Variants in GLIS1 observed in about 807,000 individuals in gnomAD.
GLIS1 encodes the protein zinc finger protein GLIS1.
A neutral mutation model predicts 63.8 loss-of-function variants in GLIS1; 24 were observed. The ratio of observed to expected loss-of-function variants is 0.38; its 90% CI spans 0.27 to 0.53. GLIS1 has a LOEUF of 0.53. Among genes scored for constraint, GLIS1 ranks in the 20% least tolerant of loss-of-function variants. The pLI is 0.85. For synonymous variants in GLIS1, 450 were observed against 482.5 expected (o/e 0.93, Z 0.88); for missense variants, 1,036 against 1,074.1 (o/e 0.96, Z 0.50).
chr1:53,535,695 C>T (rs991648028), intron 4 of GLIS1, among the ~76,000 whole-genome samples: 6 of 152,092 alleles, frequency 3.9e-5, no homozygotes, highest in African/African-American at 1.5e-4. Flanking sequence ...CTAATCCACA[C>T]CCCAGCATCA....
At chr1:53,649,990 G>A (rs1160035443) in intron 2 of GLIS1, among the ~76,000 whole-genome samples, 3 of 152,204 alleles carry the variant, frequency 2.0e-5, no homozygotes, top group African/African-American at 7.2e-5. Flanking sequence ...AGGGTCAACT[G>A]TGTAAGATTT....
rs904124519 is a variant in GLIS1, at chr1:53,560,520, C to T, written c.1321-30568G>A. Reference sequence around the variant, plus strand: ...CCCTGGTGCCCACCAGTTAACCCTTCGTACCTTCCAGGGAGAGTGGAGGCT... The same window carrying T: ...CCCTGGTGCCCACCAGTTAACCCTTTGTACCTTCCAGGGAGAGTGGAGGCT... On this transcript the variant is annotated intron_variant, in intron 4 of 10. Transcript: ENST00000628545. This position sits in a 1 kb window ranked among gnomAD's most constrained non-coding sequence, Gnocchi z 4.4. Among the ~76,000 whole-genome samples, 5 of 152,224 alleles carry T rather than the reference C, an allele frequency of 3.3e-5. No homozygotes were observed. The highest frequency in any genetic ancestry group is 7.3e-5 in the Non-Finnish European group (5 of 68,028).
At chr1:53,591,060 T>C (rs1645189004) in intron 4 of GLIS1, among the ~76,000 whole-genome samples, 1 of 152,248 alleles carries the variant, frequency 6.6e-6, no homozygotes, top group Non-Finnish European at 1.5e-5. Context: ...GATTAACTGC[T>C]ATTTTAGTGG....
intron 4 of GLIS1, among the ~76,000 whole-genome samples, chr1:53,532,368 C>CA (rs1644540205): frequency 6.6e-6 from 1 of 152,172 alleles, no homozygotes; most frequent in African/African-American, 2.4e-5. Context: ...ACACGAGAGA[C>CA]AATGATGGTT....
intron 2 of GLIS1, chr1:53,733,901 T>C: frequency 1.0e-6 from 1 of 985,054 alleles, no homozygotes; most frequent in Non-Finnish European, 1.2e-6. Context: ...AAGTCACTCA[T>C]ACCTTTCTAT....
chr1:53,635,407 T>A (rs973440883), intron 2 of GLIS1, among the ~76,000 whole-genome samples: 2 of 152,116 alleles, frequency 1.3e-5, no homozygotes, highest in South Asian at 4.1e-4. Context: ...TTGAAATAAT[T>A]AATAATGAAA....
At chr1:53,667,851 T>G (rs922080405) in intron 2 of GLIS1, among the ~76,000 whole-genome samples, 1 of 152,216 alleles carries the variant, frequency 6.6e-6, no homozygotes. Context: ...AGGCCCCATC[T>G]CTTAATACTA....
In GLIS1 at chr1:53,538,195, C is replaced by T. The variant is rs192925254; in HGVS notation, c.1321-8243G>A. Reference sequence around the variant, plus strand: ...TTGAGGCAAGAATGGAACGGACAGACGGGAGGAGGGTCCTGGGGGTGAGGC... The same window carrying T: ...TTGAGGCAAGAATGGAACGGACAGATGGGAGGAGGGTCCTGGGGGTGAGGC... On this transcript the variant is annotated intron_variant, in intron 4 of 10. Coordinates refer to ENST00000628545, the MANE Select transcript of GLIS1 (RefSeq NM_001367484.1). Among the ~76,000 whole-genome samples the T allele has an allele frequency of 2.1e-3, 315 of 152,192 alleles. 1 individual carries two copies. The highest frequency in any genetic ancestry group is 2.9e-3 in the Non-Finnish European group (198 of 68,008).
chr1:53,599,681 G>A (rs919467012), intron 3 of GLIS1, among the ~76,000 whole-genome samples: 10 of 152,254 alleles, frequency 6.6e-5, no homozygotes, highest in African/African-American at 2.4e-4. Flanking sequence ...TGCAAGCACT[G>A]AGTGGACAGC....
chr1:53,605,517 G>A (rs1188138822), intron 2 of GLIS1, among the ~76,000 whole-genome samples: 7 of 152,320 alleles, frequency 4.6e-5, no homozygotes, highest in South Asian at 2.1e-4. Context: ...CATCCAGCAC[G>A]TGCCAAATCC....
At position 53,590,128 on chromosome 1, in the gene GLIS1, GTGTGATGGGGAAGCA is replaced by G. The variant is rs1557466800; in HGVS notation, c.1320+3965_1320+3979del. ...CACATCACCTGAGATCAATGCTGGAGTGTGATGGGGAAGCAAGCACCCTCCCTTACATCATCTCTT... is the reference window on the plus strand; with the variant it reads ...CACATCACCTGAGATCAATGCTGGAGAGCACCCTCCCTTACATCATCTCTT... On this transcript the variant is annotated intron_variant, in intron 4 of 10. Transcript: ENST00000628545. 2.0e-5 allele frequency among the ~76,000 whole-genome samples: 3 copies of G among 152,216 alleles called. No homozygotes were observed. The East Asian group carries it at 5.8e-4, about 29-fold the overall frequency.
intron 2 of GLIS1, among the ~76,000 whole-genome samples, chr1:53,656,371 G>A (rs566119859): frequency 7.9e-5 from 12 of 152,294 alleles, no homozygotes; most frequent in East Asian, 7.7e-4. Context: ...CAGATCAGCC[G>A]GGGAGGCTGC....
At chr1:53,570,662 T>C (rs1488484408) in intron 4 of GLIS1, among the ~76,000 whole-genome samples, 1 of 151,818 alleles carries the variant, frequency 6.6e-6, no homozygotes, top group African/African-American at 2.4e-5. Context: ...ATATACAGAG[T>C]CTCTGATATA....
chr1:53,619,207 A>G (rs1399483732), intron 2 of GLIS1, among the ~76,000 whole-genome samples: 1 of 152,134 alleles, frequency 6.6e-6, no homozygotes, highest in African/African-American at 2.4e-5. Context: ...GGCCAAAGAG[A>G]ACACCCATCC....
At chr1:53,702,442 C>T (rs1217728235) in intron 2 of GLIS1, among the ~76,000 whole-genome samples, 115 of 152,220 alleles carry the variant, frequency 7.6e-4, no homozygotes, top group Non-Finnish European at 2.2e-4. Flanking sequence ...CCGGCATCTG[C>T]CCCCGGGTTC....
At chr1:53,555,862 T>A (rs1644814935) in intron 4 of GLIS1, among the ~76,000 whole-genome samples, 1 of 143,680 alleles carries the variant, frequency 7.0e-6, no homozygotes, top group Admixed American at 7.0e-5. Flanking sequence ...ACTGTAGGTA[T>A]GTGTGTGCAG....
intron 2 of GLIS1, among the ~76,000 whole-genome samples, chr1:53,654,753 C>T (rs1472303131): frequency 6.6e-6 from 1 of 152,134 alleles, no homozygotes; most frequent in Non-Finnish European, 1.5e-5. Flanking sequence ...AGCCCTCCAG[C>T]GATCCTCCTA....
chr1:53,659,187 G>T (rs917987375), intron 2 of GLIS1, among the ~76,000 whole-genome samples: 5 of 152,164 alleles, frequency 3.3e-5, no homozygotes, highest in Admixed American at 3.3e-4. Context: ...GCCAGGAAGG[G>T]AAGGAAACAT....
intron 2 of GLIS1, among the ~76,000 whole-genome samples, chr1:53,697,097 G>A (rs549538110): frequency 1.8e-4 from 27 of 152,204 alleles, no homozygotes; most frequent in Non-Finnish European, 2.9e-4. Flanking sequence ...TCAAGACCAC[G>A]GGAGGGAGCT....
Sources: allele counts gnomAD v4.1 joint callset (sites outside exome capture counted in the v4.1 genomes callset), GRCh38; gene constraint gnomAD v4.1.1; non-coding constraint Gnocchi (gnomAD v3.1); transcripts MANE v1.5; gene names NCBI Gene and HGNC (gene_info 2026-07-23, HGNC 2026-07-21).